TMEM131: variants seen among roughly 807,000 people sequenced by gnomAD.
TMEM131 encodes the protein transmembrane protein 131, also known as 2610524E03Rik.
In TMEM131, 66 loss-of-function variants were observed where a neutral mutation model predicts 211.6. That is an observed-to-expected ratio of 0.31 (90% confidence interval 0.26 to 0.38). The LOEUF (loss-of-function observed/expected upper bound fraction) is 0.38. TMEM131 is among the 10% of genes least tolerant of loss of function. TMEM131 has a pLI of 1.00. For missense variants in TMEM131, 2,036 were observed against 2,299.3 expected (o/e 0.89, Z 2.34); for synonymous variants, 844 against 841.3 (o/e 1.00, Z -0.06).
chr2:97,960,864 G>A (rs1376935557), intron 1 of TMEM131, among the ~76,000 whole-genome samples: 1 of 151,652 alleles, frequency 6.6e-6, no homozygotes, highest in Non-Finnish European at 1.5e-5. Flanking sequence ...GAAAAGCAAG[G>A]ATGGTTTACA....
chr2:97,819,047 G>A (rs1681987938), intron 11 of TMEM131, among the ~76,000 whole-genome samples: 2 of 152,148 alleles, frequency 1.3e-5, no homozygotes, highest in South Asian at 4.1e-4. Context: ...CACCAGTGGA[G>A]GCGACATGAA....
chr2:97,909,865 A>G lies in TMEM131; in HGVS notation c.250-1167T>C, dbSNP rs181248586. Among the ~76,000 whole-genome samples the G allele has an allele frequency of 5.5e-3, 831 of 152,318 alleles. 5 individuals are homozygous for G. The highest frequency in any genetic ancestry group is 0.019 in the African/African-American group (776 of 41,570). On this transcript the variant is annotated intron_variant, in intron 2 of 40. Transcript: ENST00000186436. ...GTAATAACCGTTGAGTCTGGGTGGTAAATGAGTTGGTATTGGTTGAGCTCT... is the reference window on the plus strand; with the variant it reads ...GTAATAACCGTTGAGTCTGGGTGGTGAATGAGTTGGTATTGGTTGAGCTCT...
At chr2:97,803,853 C>A (rs551653952) in intron 22 of TMEM131, among the ~76,000 whole-genome samples, 12 of 152,172 alleles carry the variant, frequency 7.9e-5, no homozygotes, top group Non-Finnish European at 1.8e-4. Context: ...TGGACATTAA[C>A]ATTTGGGGCT....
intron 38 of TMEM131, 61 bp from the exon 39 acceptor site, chr2:97,759,810 T>C: frequency 8.3e-7 from 1 of 1,208,826 alleles, no homozygotes; most frequent in Non-Finnish European, 1.2e-6. Flanking sequence ...TGCAAACGGA[T>C]CCATAGTGCA....
intron 5 of TMEM131, among the ~76,000 whole-genome samples, chr2:97,849,192 ACT>A (rs750489671): frequency 4.6e-5 from 7 of 152,206 alleles, no homozygotes; most frequent in Non-Finnish European, 7.4e-5. Flanking sequence ...AGCAACCAAA[ACT>A]CTCATGTTTC....
intron 4 of TMEM131, among the ~76,000 whole-genome samples, chr2:97,868,740 G>T (rs1674372512): frequency 6.6e-6 from 1 of 152,210 alleles, no homozygotes; most frequent in Non-Finnish European, 1.5e-5. Context: ...GGCAGTGATA[G>T]ATAGGTATCC....
intron 5 of TMEM131, among the ~76,000 whole-genome samples, chr2:97,845,904 T>C (rs1426402013): frequency 1.3e-5 from 2 of 152,110 alleles, no homozygotes; most frequent in East Asian, 3.8e-4. Flanking sequence ...GCATACACTT[T>C]ACACACAAAA....
chr2:97,903,821 T>C (rs1675957540), intron 3 of TMEM131, among the ~76,000 whole-genome samples: 1 of 152,050 alleles, frequency 6.6e-6, no homozygotes, highest in African/African-American at 2.4e-5. Flanking sequence ...GTAGCTGGGA[T>C]TACAGGCGCA....
Position 97,760,805 on chromosome 2 carries a change from C to T in TMEM131, c.4999G>A (p.Asp1667Asn), listed in dbSNP as rs369489978. Residue 1667 changes from aspartate to asparagine, a missense_variant, in exon 37 of 41, where the codon GAC (aspartate) becomes AAC (asparagine). Asp to Asn is a conservative substitution (Grantham distance 23). Around this residue, in one of 3 missense-constraint regions of TMEM131, gnomAD observed 1,623 missense variants for 1,805.9 expected, o/e 0.90. Transcript: ENST00000186436. ...PTFAAVTAGYDKSPGGNGFAK... is the reference protein window; with the variant it reads ...PTFAAVTAGYNKSPGGNGFAK... Reference sequence around the variant, plus strand: ...CAAAGGCACTGACCTGGGCTCTTGTCGTAGCCAGCCGTGACTGCAGCAAAA... The same window carrying T: ...CAAAGGCACTGACCTGGGCTCTTGTTGTAGCCAGCCGTGACTGCAGCAAAA... 348 of 1,613,840 alleles carry T rather than the reference C, an allele frequency of 2.2e-4. No homozygotes were observed. The highest frequency in any genetic ancestry group is 2.8e-4 in the Non-Finnish European group (336 of 1,179,870).
intron 11 of TMEM131, among the ~76,000 whole-genome samples, chr2:97,820,402 T>C (rs1024063943): frequency 2.0e-5 from 3 of 152,222 alleles, no homozygotes; most frequent in Admixed American, 6.5e-5. Flanking sequence ...GGTTATACTA[T>C]ACTATATTAC....
intron 4 of TMEM131, among the ~76,000 whole-genome samples, chr2:97,866,683 T>C (rs1198111734): frequency 6.6e-6 from 1 of 152,230 alleles, no homozygotes; most frequent in African/African-American, 2.4e-5. Context: ...AGTTTTGATA[T>C]GTTTTGTTTT....
intron 31 of TMEM131, among the ~76,000 whole-genome samples, chr2:97,782,636 A>C (rs1680064616): frequency 6.6e-6 from 1 of 152,258 alleles, no homozygotes; most frequent in Non-Finnish European, 1.5e-5. Flanking sequence ...GCCACAGCAA[A>C]GAAATAGAAG....
In TMEM131 at chr2:97,796,771, T is replaced by C. The variant is rs145558496; in HGVS notation, c.3013+73A>G. On this transcript the variant is annotated intron_variant, in intron 27 of 40. Transcript: ENST00000186436. ...CACAGGTGCACATACAGAAATAATG[T>C]TGTTTTTGAAATTATTTACTGTTGA... is the stretch of plus-strand genomic sequence containing the variant. 6.3e-5 allele frequency: 93 copies of C among 1,471,154 alleles called. 1 individual carries two copies. The highest frequency in any genetic ancestry group is 5.7e-5 in the Non-Finnish European group (61 of 1,070,212). 91.1% of individuals were successfully genotyped at this position (1,471,154 alleles called of 1,614,324 possible).
chr2:97,924,045 G>A (rs371235551), intron 2 of TMEM131, among the ~76,000 whole-genome samples: 9 of 151,710 alleles, frequency 5.9e-5, no homozygotes, highest in African/African-American at 2.2e-4. Context: ...GCGCCACCGC[G>A]CTCCAGCCTG....
chr2:97,939,616 T>C (rs970649360), intron 1 of TMEM131, among the ~76,000 whole-genome samples: 1 of 152,194 alleles, frequency 6.6e-6, no homozygotes, highest in African/African-American at 2.4e-5. Flanking sequence ...GCTGGTACCA[T>C]TCCTTCTGAA....
Position 97,795,010 on chromosome 2 carries a change from A to G in TMEM131, c.3306T>C (p.His1102=). ...VFILNASLPY[H]MLATCAEALP... ...GGGCTTCTGCACAGGTTGCTAACAT[A>G]TGGTAAGGAAGGGATGCATTCAATA... Residue 1102 remains histidine (H), a synonymous_variant, in exon 29 of 41, where the codon CAT becomes CAC. Coordinates refer to ENST00000186436, the MANE Select transcript of TMEM131 (RefSeq NM_015348.2). 1 of 1,613,812 alleles carries G rather than the reference A, an allele frequency of 6.2e-7. No individual in the cohort carries two copies. The highest frequency in any genetic ancestry group is 8.5e-7 in the Non-Finnish European group (1 of 1,179,760).
At chr2:97,929,361 T>C (rs1677123263) in intron 1 of TMEM131, among the ~76,000 whole-genome samples, 1 of 151,742 alleles carries the variant, frequency 6.6e-6, no homozygotes, top group African/African-American at 2.4e-5. Context: ...GCTGAATAAA[T>C]GGGAGAAAAG....
At chr2:97,758,050 T>C (rs1573307643) in intron 40 of TMEM131, among the ~76,000 whole-genome samples, 1 of 151,268 alleles carries the variant, frequency 6.6e-6, no homozygotes, top group East Asian at 2.0e-4. Flanking sequence ...GAGAATGGCA[T>C]GAACCCAGGA....
At chr2:97,927,266 TAC>T (rs1385689033) in intron 2 of TMEM131, 158 bp downstream of exon 2, 4 of 459,306 alleles carry the variant, frequency 8.7e-6, no homozygotes, top group African/African-American at 4.1e-5. Flanking sequence ...CTCACGTAAC[TAC>T]AGAGGTTTTT....
Sources: gnomAD v4.1 joint callset for allele counts (sites outside exome capture counted in the v4.1 genomes callset) on GRCh38, gnomAD v4.1.1 for gene constraint, gnomAD v4.1.1 regional missense constraint, MANE v1.5 for transcripts, NCBI Gene and HGNC (gene_info 2026-07-23, HGNC 2026-07-21) for gene names.